PPP2R5E: variants seen among roughly 807,000 people sequenced by gnomAD.
The protein encoded by PPP2R5E is serine/threonine-protein phosphatase 2A 56 kDa regulatory subunit epsilon isoform.
PPP2R5E carries 4 observed loss-of-function variants against 65.3 expected under a neutral mutation model. That is an observed-to-expected ratio of 0.06 (90% confidence interval 0.03 to 0.14). PPP2R5E has a LOEUF of 0.14. PPP2R5E is among the 10% of genes least tolerant of loss of function. PPP2R5E has a pLI of 1.00. For missense variants in PPP2R5E, 274 were observed against 556.1 expected (o/e 0.49, Z 5.10); for synonymous variants, 183 against 187.4 (o/e 0.98, Z 0.19).
At chr14:63,493,819 C>T (rs28520636) in intron 2 of PPP2R5E, among the ~76,000 whole-genome samples, 48,750 of 151,972 alleles carry the variant, frequency 0.32, 11,639 homozygotes, top group African/African-American at 0.67. Flanking sequence ...ACTAATTTAG[C>T]TTGTAAACTT....
At chr14:63,438,971 T>C (rs1888074893) in intron 3 of PPP2R5E, among the ~76,000 whole-genome samples, 1 of 151,756 alleles carries the variant, frequency 6.6e-6, no homozygotes, top group Non-Finnish European at 1.5e-5. Context: ...GCATATGCAG[T>C]TTCACAGGCA....
chr14:63,540,039 C>A (rs772949684), intron 1 of PPP2R5E, among the ~76,000 whole-genome samples: 1 of 151,206 alleles, frequency 6.6e-6, no homozygotes, highest in Non-Finnish European at 1.5e-5. Flanking sequence ...GTGAAAGAAT[C>A]GCTTGAACCT....
intron 2 of PPP2R5E, among the ~76,000 whole-genome samples, chr14:63,474,495 A>C (rs1890296593): frequency 6.6e-6 from 1 of 151,988 alleles, no homozygotes; most frequent in Admixed American, 6.6e-5. Flanking sequence ...GTCTGAAAAG[A>C]GTGAGGTGGA....
chr14:63,400,699 C>CAAAAAAACAA (rs1555356630), intron 5 of PPP2R5E, among the ~76,000 whole-genome samples: 6 of 73,730 alleles, frequency 8.1e-5, no homozygotes, highest in Non-Finnish European at 5.2e-5. Flanking sequence ...CCCAACCAGC[C>CAAAAAAACAA]AAAAAAAAAA....
At chr14:63,430,389 A>ACATACATACATACATACATACATACATG (rs1887596047) in intron 3 of PPP2R5E, among the ~76,000 whole-genome samples, 1 of 142,492 alleles carries the variant, frequency 7.0e-6, no homozygotes, top group Non-Finnish European at 1.5e-5. Flanking sequence ...ATACATACAT[A>ACATACATACATACATACATACATACATG]CATACATACA....
In PPP2R5E at chr14:63,509,274, T is replaced by C. The variant is rs910672206; in HGVS notation, c.157+30255A>G. On this transcript the variant is annotated intron_variant, in intron 2 of 13. Coordinates refer to ENST00000337537, the MANE Select transcript of PPP2R5E (RefSeq NM_006246.5). ...CCTTTATTTTAAAATATCCTTTTTT[T>C]TTTTTTTTTTTTTTTTTTGAAACAG... Among the ~76,000 whole-genome samples the C allele has an allele frequency of 1.4e-4, 20 of 140,252 alleles. No individual in the cohort carries two copies. The South Asian group carries it at 1.8e-3, about 13-fold the overall frequency. 92.0% of individuals were successfully genotyped at this position (140,252 alleles called of 152,430 possible). A position where few individuals can be genotyped will look rare whatever the true frequency, so the allele number is the denominator to read the frequency against.
At chr14:63,444,087 T>C (rs1888362690) in intron 3 of PPP2R5E, among the ~76,000 whole-genome samples, 4 of 152,200 alleles carry the variant, frequency 2.6e-5, no homozygotes, top group Admixed American at 1.3e-4. Context: ...TATCCATCCA[T>C]TGTCTGTCAG....
chr14:63,516,132 A>G (rs1252760779), intron 2 of PPP2R5E, among the ~76,000 whole-genome samples: 1 of 152,194 alleles, frequency 6.6e-6, no homozygotes, highest in African/African-American at 2.4e-5. Flanking sequence ...TACAGGCATG[A>G]GCCACCACAC....
intron 2 of PPP2R5E, among the ~76,000 whole-genome samples, chr14:63,509,436 G>C (rs1306908835): frequency 4.0e-5 from 6 of 151,846 alleles, no homozygotes; most frequent in African/African-American, 1.4e-4. Context: ...ACCACACCCA[G>C]CTAATTTTTG....
intron 2 of PPP2R5E, among the ~76,000 whole-genome samples, chr14:63,478,680 T>C (rs1382421896): frequency 6.6e-6 from 1 of 152,138 alleles, no homozygotes; most frequent in Admixed American, 6.5e-5. Flanking sequence ...TCAGGAACCT[T>C]TGGGGATCCC....
chr14:63,416,925 G>A (rs753849119), intron 4 of PPP2R5E, among the ~76,000 whole-genome samples: 1 of 152,030 alleles, frequency 6.6e-6, no homozygotes, highest in Non-Finnish European at 1.5e-5. Flanking sequence ...AAAAGGGAGA[G>A]TATTTTACTA....
At chr14:63,407,226 C>T (rs557554312) in intron 5 of PPP2R5E, among the ~76,000 whole-genome samples, 3 of 152,228 alleles carry the variant, frequency 2.0e-5, no homozygotes, top group South Asian at 4.1e-4. Context: ...TGGCAGAGCC[C>T]GAATTCAAAT....
chr14:63,423,873 T>G (rs941491840), intron 3 of PPP2R5E, among the ~76,000 whole-genome samples: 1 of 152,212 alleles, frequency 6.6e-6, no homozygotes, highest in Non-Finnish European at 1.5e-5. Flanking sequence ...TATCCCCATT[T>G]CCTAGCTATG....
intron 3 of PPP2R5E, among the ~76,000 whole-genome samples, chr14:63,430,397 A>ACATACATACATGCATGCATG (rs1412861430): frequency 1.5e-5 from 2 of 137,126 alleles, no homozygotes; most frequent in African/African-American, 6.3e-5. Flanking sequence ...ATACATACAT[A>ACATACATACATGCATGCATG]CATGCATACA....
chr14:63,446,828 CAAAAA>C (rs55892835), intron 3 of PPP2R5E, among the ~76,000 whole-genome samples: 2 of 92,176 alleles, frequency 2.2e-5, no homozygotes, highest in Non-Finnish European at 4.5e-5. Flanking sequence ...GACTCCATCT[CAAAAA>C]AAAAAAAAAA....
intron 2 of PPP2R5E, among the ~76,000 whole-genome samples, chr14:63,486,631 GT>G (rs1281442066): frequency 2.0e-5 from 3 of 151,752 alleles, no homozygotes; most frequent in Non-Finnish European, 4.4e-5. Context: ...GTACTCCACT[GT>G]TTCCCACCCT....
At chr14:63,398,980 CAG>C (rs1159306921) in intron 5 of PPP2R5E, among the ~76,000 whole-genome samples, 1 of 152,162 alleles carries the variant, frequency 6.6e-6, no homozygotes, top group Non-Finnish European at 1.5e-5. Flanking sequence ...AAATCTCCCA[CAG>C]AGTTACTATA....
chr14:63,473,294 G>C (rs1890220874), intron 2 of PPP2R5E, among the ~76,000 whole-genome samples: 1 of 152,208 alleles, frequency 6.6e-6, no homozygotes, highest in Non-Finnish European at 1.5e-5. Context: ...AAACGGTAGA[G>C]ATTCCAGAGT....
At chr14:63,506,386 C>A (rs7158805) in intron 2 of PPP2R5E, among the ~76,000 whole-genome samples, 43,779 of 151,844 alleles carry the variant, frequency 0.29, 7,137 homozygotes, top group African/African-American at 0.46. Flanking sequence ...GGGAGGCGGA[C>A]CTTGCAGTGA....
Sources: gnomAD v4.1 joint callset for allele counts (sites outside exome capture counted in the v4.1 genomes callset) on GRCh38, gnomAD v4.1.1 for gene constraint, MANE v1.5 for transcripts, NCBI Gene and HGNC (gene_info 2026-07-23, HGNC 2026-07-21) for gene names.